The following RHBDD2 variants were observed in gnomAD, a reference collection of about 807,000 sequenced individuals.
The protein encoded by RHBDD2 is rhomboid domain containing 2.
Under a neutral mutation model 21.7 loss-of-function variants are expected in RHBDD2, and 13 were observed. The ratio of observed to expected loss-of-function variants is 0.60; its 90% confidence interval spans 0.39 to 0.95. The LOEUF (loss-of-function observed/expected upper bound fraction) is 0.95, where lower values mean the gene tolerates loss of function less well. Ranked by LOEUF, RHBDD2 falls within the 40% of genes least tolerant of loss-of-function variation. RHBDD2 has a pLI of 0.00. For synonymous variants in RHBDD2, 225 were observed against 220.0 expected (o/e 1.02, Z -0.20); for missense variants, 473 against 478.9 (o/e 0.99, Z 0.11).
chr7:75,883,048 A>G (rs1012797176), intron 2 of RHBDD2, among the ~76,000 whole-genome samples: 1 of 152,082 alleles, frequency 6.6e-6, no homozygotes, highest in African/African-American at 2.4e-5. Context: ...TCAGGATGAT[A>G]CTGGTACAGC....
rs1428773238 is a variant in RHBDD2 at position 75,879,156 on chromosome 7, C to A, written c.74C>A (p.Ala25Glu). 30 of 1,498,850 alleles carry A rather than the reference C, an allele frequency of 2.0e-5. No homozygotes were observed. The African/African-American group carries it at 4.2e-4, about 21-fold the overall frequency. The allele number at this position is 1,498,850 out of a possible 1,614,324, so 92.8% of individuals were successfully genotyped here. ...PEVPSATFFT[A>E]LLSLLVSGPR... ...GTGCCATCCGCCACCTTCTTCACTG[C>A]GCTGCTCTCGCTGCTGGTTTCCGGG... The change falls in exon 1 of 4, where the codon GCG becomes GAG. Residue 25 changes from alanine (A) to glutamate (E), a missense_variant. Transcript: ENST00000006777.
rs781783842 is a variant in RHBDD2 at position 75,888,132 on chromosome 7, C to T, written c.878C>T (p.Thr293Ile). The T allele has an allele frequency of 2.3e-5, 37 of 1,613,764 alleles. No individual in the cohort carries two copies. Among genetic ancestry groups the T allele is most frequent in the Admixed American group, 8.3e-5 (5 of 60,004 alleles). ...TCCTGCACCCCCGGGCACATGCCCA[C>T]CTTGCCTCCGTACCAGCCTGCCTCC... ...WPSCTPGHMPTLPPYQPASGL... is the reference protein window; with the variant it reads ...WPSCTPGHMPILPPYQPASGL... The change falls in exon 4 of 4, where the codon ACC becomes ATC. Residue 293 changes from threonine (T) to isoleucine (I), a missense_variant. Physicochemically the swap from Thr to Ile is moderately conservative, Grantham distance 89. Transcript: ENST00000006777.
chr7:75,880,494 G>A (rs373606981), intron 1 of RHBDD2, among the ~76,000 whole-genome samples: 26 of 152,096 alleles, frequency 1.7e-4, no homozygotes, highest in African/African-American at 5.3e-4. Flanking sequence ...CGTTAGAGAC[G>A]TAAGGGACCT....
intron 3 of RHBDD2, among the ~76,000 whole-genome samples, chr7:75,885,766 T>A (rs2116037513): frequency 6.6e-6 from 1 of 152,132 alleles, no homozygotes; most frequent in South Asian, 2.1e-4. Context: ...GAGGGAGAAC[T>A]CATTACTACG....
At chr7:75,885,508 TC>T (rs1554543678) in intron 3 of RHBDD2, among the ~76,000 whole-genome samples, 1 of 151,824 alleles carries the variant, frequency 6.6e-6, no homozygotes, top group East Asian at 1.9e-4. Flanking sequence ...TCAGTGGTCC[TC>T]CCCCCAAAAA....
At position 75,888,065 on chromosome 7, in the gene RHBDD2, C is replaced by CA; in HGVS notation, c.812dup (p.Thr272AspfsTer107). ...CCTGTCCCCAAGCCACCCTGTGTCC[C>CA]AGACGCAGCACGCCAGTGGTCAGAA... On this transcript the variant is annotated frameshift_variant, in exon 4 of 4. Coordinates refer to ENST00000006777, the MANE Select transcript of RHBDD2 (RefSeq NM_001040456.3). LOFTEE classifies it low-confidence loss of function (END_TRUNC). 6.2e-7 allele frequency: 1 copy of CA among 1,613,806 alleles called. No individual in the cohort carries two copies.
At chr7:75,885,188 A>G (rs370453877) in intron 3 of RHBDD2, among the ~76,000 whole-genome samples, 2 of 151,478 alleles carry the variant, frequency 1.3e-5, no homozygotes, top group South Asian at 2.1e-4. Context: ...GGCCCAGCCC[A>G]GGTTTTCTGG....
rs781965007 is a variant in RHBDD2 at position 75,879,058 on chromosome 7, G to A, written c.-25G>A. The stretch of plus-strand genomic sequence containing the variant: ...CAGAGGACCGGCAGCCGGCGTCGAG[G>A]CGGGGCGCGGGAACGACGGCGGCCA... On this transcript the variant is annotated 5_prime_UTR_variant, in exon 1 of 4. Coordinates refer to ENST00000006777, the MANE Select transcript of RHBDD2 (RefSeq NM_001040456.3). 23 of 1,367,170 alleles carry A rather than the reference G, an allele frequency of 1.7e-5. No homozygotes were observed. Among genetic ancestry groups the A allele is most frequent in the Admixed American group, 7.6e-5 (2 of 26,454 alleles). 84.7% of individuals were successfully genotyped at this position (1,367,170 alleles called of 1,614,324 possible).
intron 3 of RHBDD2, among the ~76,000 whole-genome samples, chr7:75,886,813 CAAA>C (rs149181462): frequency 3.6e-5 from 4 of 110,628 alleles, no homozygotes; most frequent in Non-Finnish European, 2.0e-5. Context: ...GACTCCGTCT[CAAA>C]AAAAAAAAAA....
intron 1 of RHBDD2, chr7:75,881,603 G>A: frequency 8.6e-7 from 1 of 1,166,860 alleles, no homozygotes; most frequent in Non-Finnish European, 1.2e-6. Context: ...GCTAAGAGTT[G>A]CACCAGGCCT....
At position 75,881,815 on chromosome 7, in the gene RHBDD2, GA is replaced by G; in HGVS notation, c.179-13del. On this transcript the variant is annotated splice_polypyrimidine_tract_variant and intron_variant, in intron 1 of 3. Coordinates refer to ENST00000006777, the MANE Select transcript of RHBDD2 (RefSeq NM_001040456.3). ...CAACCCGCCGCCAGGCCTCTAACCC[GA>G]CTCCCTCTGCAGTTTACAGGCTGGT... is the stretch of plus-strand genomic sequence containing the variant. The G allele has an allele frequency of 6.3e-7, 1 of 1,581,506 alleles. No individual in the cohort carries two copies. The highest frequency in any genetic ancestry group is 8.6e-7 in the Non-Finnish European group (1 of 1,160,592).
Position 75,886,813 on chromosome 7 carries a change from C to CAA in RHBDD2, c.738-1165_738-1164dup, listed in dbSNP as rs149181462. Among the ~76,000 whole-genome samples the CAA allele has an allele frequency of 2.9e-3, 317 of 110,634 alleles. 2 individuals carry two copies. The highest frequency in any genetic ancestry group is 9.4e-3 in the African/African-American group (299 of 31,754). The allele number at this position is 110,634 out of a possible 152,430, so 72.6% of individuals were successfully genotyped here. On this transcript the variant is annotated intron_variant, in intron 3 of 3. Transcript: ENST00000006777. ...TGGGCAAAAGAGCGAGACTCCGTCTCAAAAAAAAAAAAAAAGAGTTCTTCC... is the reference window on the plus strand; with the variant it reads ...TGGGCAAAAGAGCGAGACTCCGTCTCAAAAAAAAAAAAAAAAAGAGTTCTTCC...
At chr7:75,882,458 TACAGGTGTGCACC>T (rs1459558924) in intron 2 of RHBDD2, among the ~76,000 whole-genome samples, 1 of 152,138 alleles carries the variant, frequency 6.6e-6, no homozygotes, top group Non-Finnish European at 1.5e-5. Context: ...TAGCTGGGAC[TACAGGTGTGCACC>T]ACTACACCCG....
At chr7:75,881,728 G>C in intron 1 of RHBDD2, 101 bp from the exon 2 acceptor site, 1 of 1,243,010 alleles carries the variant, frequency 8.0e-7, no homozygotes, top group African/African-American at 1.5e-5. Flanking sequence ...TCACTTCTCT[G>C]TCACGGAGGG....
In RHBDD2 at chr7:75,883,853, G is replaced by A. The variant is rs1762207842; in HGVS notation, c.737+5G>A. On this transcript the variant is annotated splice_donor_5th_base_variant and intron_variant, in intron 3 of 3. Transcript: ENST00000006777. ...GAGGGCAGCCCAGAGCCGGAAGTAAGTGACAGAACTCTTAAGTGCTGTTAA... is the reference window on the plus strand; with the variant it reads ...GAGGGCAGCCCAGAGCCGGAAGTAAATGACAGAACTCTTAAGTGCTGTTAA... 6.2e-7 allele frequency: 1 copy of A among 1,604,590 alleles called. No homozygotes were observed. The highest frequency in any genetic ancestry group is 8.5e-7 in the Non-Finnish European group (1 of 1,177,172).
chr7:75,879,217 C>T lies in RHBDD2; in HGVS notation c.135C>T (p.Pro45=), dbSNP rs1554541990. 6.6e-7 allele frequency: 1 copy of T among 1,522,424 alleles called. No homozygotes were observed. 94.3% of individuals were successfully genotyped at this position (1,522,424 alleles called of 1,614,324 possible). The change falls in exon 1 of 4, where the codon CCC becomes CCT. Residue 45 remains proline (P), a synonymous_variant. Coordinates refer to ENST00000006777, the MANE Select transcript of RHBDD2 (RefSeq NM_001040456.3). ...RLFLLQQPLA[P]SGLTLKSEAL... Reference sequence around the variant, plus strand: ...TCCTGCTGCAGCAGCCCCTGGCGCCCTCGGGCCTCACGCTGAAGTCCGAGG... The same window carrying T: ...TCCTGCTGCAGCAGCCCCTGGCGCCTTCGGGCCTCACGCTGAAGTCCGAGG...
chr7:75,881,441 AC>A (rs1805317667), intron 1 of RHBDD2: 1 of 1,297,044 alleles, frequency 7.7e-7, no homozygotes, highest in South Asian at 1.2e-5. Flanking sequence ...CACTCAATCC[AC>A]CCCGAAGCTG....
intron 3 of RHBDD2, among the ~76,000 whole-genome samples, chr7:75,887,257 C>A (rs1805735533): frequency 6.7e-6 from 1 of 149,852 alleles, no homozygotes; most frequent in Admixed American, 6.7e-5. Flanking sequence ...CCTACCTCAG[C>A]CTCTTAAGTA....
chr7:75,884,245 A>G (rs1053663494), intron 3 of RHBDD2, among the ~76,000 whole-genome samples: 1 of 151,852 alleles, frequency 6.6e-6, no homozygotes, highest in Admixed American at 6.6e-5. Flanking sequence ...ATTTGAGGAC[A>G]GGGTCTTGCC....
Sources: gnomAD v4.1 joint callset for allele counts (sites outside exome capture counted in the v4.1 genomes callset) on GRCh38, gnomAD v4.1.1 for gene constraint, MANE v1.5 for transcripts, NCBI Gene and HGNC (gene_info 2026-07-23, HGNC 2026-07-21) for gene names.